Variants in SDK1 observed in about 807,000 individuals in gnomAD.
SDK1 encodes the protein sidekick cell adhesion molecule 1.
In SDK1, 157 loss-of-function variants were observed where a neutral mutation model predicts 245.5. The observed-to-expected ratio is 0.64, with a 90% CI of 0.56 to 0.73. The LOEUF is 0.73. SDK1 is among the 30% of genes least tolerant of loss of function. SDK1 has a pLI of 0.00. For missense variants in SDK1, 3,583 were observed against 3,002.3 expected (o/e 1.19, Z -4.52); for synonymous variants, 1,647 against 1,278.5 (o/e 1.29, Z -6.15).
At position 4,237,825 on chromosome 7, in the gene SDK1, C is replaced by T. The variant is rs762900890; in HGVS notation, c.6130+41C>T. On this transcript the variant is annotated intron_variant, in intron 42 of 44. Transcript: ENST00000404826. ...CTTCCTCGCGTGTCCCACGATGCCA[C>T]TCAGCCAAAACATAGCGTTCGTTCT... 4 of 1,610,814 alleles carry T rather than the reference C, an allele frequency of 2.5e-6. No individual in the cohort carries two copies. The African/African-American group carries it at 5.3e-5, about 22-fold the overall frequency.
intron 1 of SDK1, among the ~76,000 whole-genome samples, chr7:3,358,056 C>G (rs1437648048): frequency 6.6e-6 from 1 of 151,954 alleles, no homozygotes; most frequent in East Asian, 1.9e-4. Flanking sequence ...GAGTCTTACT[C>G]TGTGTCCCAG....
At chr7:4,127,081 A>G (rs1188124843) in intron 25 of SDK1, among the ~76,000 whole-genome samples, 1 of 152,166 alleles carries the variant, frequency 6.6e-6, no homozygotes, top group African/African-American at 2.4e-5. Flanking sequence ...TTCCTATTTG[A>G]GATAAAAGTC....
At chr7:3,468,092 AATC>A (rs1401713437) in intron 1 of SDK1, among the ~76,000 whole-genome samples, 1 of 152,174 alleles carries the variant, frequency 6.6e-6, no homozygotes, top group Non-Finnish European at 1.5e-5. Flanking sequence ...AGCAGAGAGA[AATC>A]ATAAAGCAGA....
At chr7:4,210,305 T>C in intron 38 of SDK1, 143 bp downstream of exon 38, 1 of 905,458 alleles carries the variant, frequency 1.1e-6, no homozygotes, top group Non-Finnish European at 1.5e-6. Flanking sequence ...GAATCTGAGC[T>C]GGACGGGGCT....
At chr7:3,796,556 G>A (rs1378966396) in intron 4 of SDK1, among the ~76,000 whole-genome samples, 4 of 152,006 alleles carry the variant, frequency 2.6e-5, no homozygotes, top group African/African-American at 9.7e-5. Flanking sequence ...GACCCCACCT[G>A]CTGGCTCCAC....
Position 3,821,566 on chromosome 7 carries a change from T to C in SDK1, c.830T>C (p.Ile277Thr). ...GGAGAAAACAAGACAAGCCCATTCA[T>C]TCATTTGAGCATAGCAAGTGAGTTT... ...KNGENKTSPF[I>T]HLSIARDVGT... is the part of the protein sequence containing the mutation. Residue 277 changes from isoleucine (I) to threonine (T), a missense_variant, in exon 5 of 45, where the codon ATT becomes ACT. Physicochemically the swap from Ile to Thr is moderately conservative, Grantham distance 89. Coordinates refer to ENST00000404826, the MANE Select transcript of SDK1 (RefSeq NM_152744.4). 2 of 1,613,862 alleles carry C rather than the reference T, an allele frequency of 1.2e-6. No homozygotes were observed. Among genetic ancestry groups the C allele is most frequent in the Non-Finnish European group, 1.7e-6 (2 of 1,179,890 alleles).
intron 1 of SDK1, among the ~76,000 whole-genome samples, chr7:3,467,029 C>CACACACACAGAG (rs1288513856): frequency 5.2e-4 from 72 of 137,648 alleles, no homozygotes; most frequent in African/African-American, 1.9e-3. Context: ...CACACACACA[C>CACACACACAGAG]AGAGATGTAA....
chr7:4,116,086 G>A lies in SDK1; in HGVS notation c.3823+1812G>A, dbSNP rs139416790. ...AGCATAGACACTTGGGGGGCCCAGG[G>A]CTCCCGGGCCTGGCCTGTCTGCTCT... On this transcript the variant is annotated intron_variant, in intron 25 of 44. Transcript: ENST00000404826. Among the ~76,000 whole-genome samples the A allele has an allele frequency of 6.6e-3, 1,007 of 152,230 alleles. 8 individuals are homozygous for A. The highest frequency in any genetic ancestry group is 0.023 in the African/African-American group (969 of 41,552).
intron 44 of SDK1, among the ~76,000 whole-genome samples, chr7:4,264,530 G>A: frequency 7.4e-6 from 1 of 135,634 alleles, no homozygotes; most frequent in African/African-American, 2.8e-5. Flanking sequence ...GAGTGAGGGA[G>A]GCCGCGTGGA....
Position 3,596,422 on chromosome 7 carries a change from C to G in SDK1, c.299-22658C>G, listed in dbSNP as rs368290857. The stretch of plus-strand genomic sequence containing the variant: ...GGAAAGTGTGTCTCCATTTCTGTAA[C>G]AATGGGTAGATGTCTGCTCTAAGGA... On this transcript the variant is annotated intron_variant, in intron 1 of 44. Transcript: ENST00000404826. Among the ~76,000 whole-genome samples the G allele has an allele frequency of 2.4e-3, 366 of 152,288 alleles. 3 individuals are homozygous for G. Among genetic ancestry groups the G allele is most frequent in the South Asian group, 0.017 (84 of 4,824 alleles).
At chr7:3,553,719 A>T (rs1291489011) in intron 1 of SDK1, among the ~76,000 whole-genome samples, 1 of 152,136 alleles carries the variant, frequency 6.6e-6, no homozygotes, top group African/African-American at 2.4e-5. Context: ...ACTGCAACAA[A>T]TGGTCCAGCT....
intron 1 of SDK1, among the ~76,000 whole-genome samples, chr7:3,390,262 T>C (rs1734873266): frequency 6.6e-6 from 1 of 152,194 alleles, no homozygotes; most frequent in South Asian, 2.1e-4. Context: ...ATACTTTGAA[T>C]AGCAGGGTTG....
At chr7:4,128,926 T>C (rs1584229898) in intron 26 of SDK1, among the ~76,000 whole-genome samples, 1 of 102,840 alleles carries the variant, frequency 9.7e-6, no homozygotes, top group African/African-American at 3.7e-5. Context: ...GAGAGCAGCT[T>C]GGGGTGGGGT....
chr7:4,055,164 A>G (rs1482638960), intron 19 of SDK1, among the ~76,000 whole-genome samples: 1 of 152,130 alleles, frequency 6.6e-6, no homozygotes, highest in African/African-American at 2.4e-5. Flanking sequence ...GATTGCGTAA[A>G]ATTGGTGTCA....
intron 1 of SDK1, among the ~76,000 whole-genome samples, chr7:3,449,786 G>C (rs1177915942): frequency 2.0e-5 from 3 of 152,198 alleles, no homozygotes. Context: ...CTGAACATCA[G>C]CTGTGCTTTC....
intron 9 of SDK1, among the ~76,000 whole-genome samples, chr7:3,966,894 C>G (rs1373005733): frequency 6.6e-6 from 1 of 152,126 alleles, no homozygotes; most frequent in Non-Finnish European, 1.5e-5. Context: ...CTGTGTTGCC[C>G]AGGCTGGTCT....
intron 1 of SDK1, among the ~76,000 whole-genome samples, chr7:3,421,694 C>T (rs1779540761): frequency 6.6e-6 from 1 of 152,130 alleles, no homozygotes; most frequent in African/African-American, 2.4e-5. Flanking sequence ...TTTCTGTTGG[C>T]TCTTAGATGG....
chr7:3,583,082 A>G (rs538908899), intron 1 of SDK1, among the ~76,000 whole-genome samples: 258 of 152,294 alleles, frequency 1.7e-3, no homozygotes, highest in Non-Finnish European at 3.0e-3. Context: ...AAGCATTTGG[A>G]CAAGGAAACT....
chr7:3,372,812 A>C (rs1414225055), intron 1 of SDK1, among the ~76,000 whole-genome samples: 1 of 152,208 alleles, frequency 6.6e-6, no homozygotes, highest in East Asian at 1.9e-4. Flanking sequence ...AGAATTGCAA[A>C]TGTGTAAAGG....
Sources: gnomAD v4.1 joint callset for allele counts (sites outside exome capture counted in the v4.1 genomes callset) on GRCh38, gnomAD v4.1.1 for gene constraint, MANE v1.5 for transcripts, NCBI Gene and HGNC (gene_info 2026-07-23, HGNC 2026-07-21) for gene names.